CACNA1I: variants seen among roughly 807,000 people sequenced by gnomAD.
CACNA1I encodes the protein calcium voltage-gated channel subunit alpha1 I.
Under a neutral mutation model 201.6 loss-of-function variants are expected in CACNA1I, and 74 were observed. The observed-to-expected ratio is 0.37, with a 90% CI of 0.30 to 0.45. The LOEUF is 0.45. Ranked by LOEUF, CACNA1I falls within the 20% of genes least tolerant of loss-of-function variation. The pLI is 1.00. For missense variants in CACNA1I, 2,346 were observed against 3,138.1 expected (o/e 0.75, Z 6.03); for synonymous variants, 1,431 against 1,345.2 (o/e 1.06, Z -1.40).
chr22:39,655,454 T>C (rs888396001), intron 10 of CACNA1I, among the ~76,000 whole-genome samples: 1 of 152,204 alleles, frequency 6.6e-6, no homozygotes, highest in Admixed American at 6.5e-5. Context: ...GGGTGGTCTT[T>C]GCCACCTCCA....
At position 39,679,841 on chromosome 22, in the gene CACNA1I, C is replaced by T. The variant is rs754581102; in HGVS notation, c.5514C>T (p.Cys1838=). The change falls in exon 33 of 37, where the codon TGC becomes TGT. Residue 1838 remains cysteine (C), a synonymous_variant. Coordinates refer to ENST00000402142, the MANE Select transcript of CACNA1I (RefSeq NM_021096.4). ...ACCACTACTCCTCGCCTGCCGGCTG[C>T]AAGAAGTGTCACCACGACAAGCAAG... ...IFHHYSSPAG[C]KKCHHDKQEV... is the part of the protein sequence containing the mutation. The T allele has an allele frequency of 2.9e-5, 46 of 1,612,684 alleles. 2 individuals are homozygous for T. The Admixed American group carries it at 3.8e-4, about 13-fold the overall frequency.
At chr22:39,644,231 G>A (rs770501154) in intron 7 of CACNA1I, among the ~76,000 whole-genome samples, 2 of 152,194 alleles carry the variant, frequency 1.3e-5, no homozygotes, top group African/African-American at 4.8e-5. Flanking sequence ...GTTCCCGGGA[G>A]GGGCTGGAGG....
chr22:39,621,049 C>T (rs1165042026), intron 4 of CACNA1I, among the ~76,000 whole-genome samples: 3 of 152,196 alleles, frequency 2.0e-5, no homozygotes. Flanking sequence ...TGAGCCACTG[C>T]ACCTGGCTGC....
At chr22:39,640,192 C>G (rs992466511) in intron 5 of CACNA1I, among the ~76,000 whole-genome samples, 4 of 152,110 alleles carry the variant, frequency 2.6e-5, no homozygotes, top group African/African-American at 9.7e-5. Flanking sequence ...AGTTTGAGAA[C>G]AGGCTGACCA....
Position 39,677,976 on chromosome 22 carries a change from C to T in CACNA1I, c.4934-11C>T. On this transcript the variant is annotated splice_polypyrimidine_tract_variant and intron_variant, in intron 30 of 36. Transcript: ENST00000402142. This position sits in a 1 kb window ranked among gnomAD's most constrained non-coding sequence, Gnocchi z 4.8. The stretch of plus-strand genomic sequence containing the variant: ...GCCATCGGGCAGGGCTGACCTCCTC[C>T]CCGCTTCCAGTCTGCAACGACGAGA... 6.3e-7 allele frequency: 1 copy of T among 1,580,008 alleles called. No individual in the cohort carries two copies. Among genetic ancestry groups the T allele is most frequent in the Non-Finnish European group, 8.6e-7 (1 of 1,163,882 alleles).
chr22:39,579,629 T>C (rs953740277), intron 1 of CACNA1I, among the ~76,000 whole-genome samples: 1 of 147,444 alleles, frequency 6.8e-6, no homozygotes, highest in African/African-American at 2.5e-5. Flanking sequence ...GAGGGAGTGG[T>C]GCAAGGCTCT....
rs191890245 is a variant in CACNA1I, at chr22:39,660,254, G to A, written c.2605-90G>A. 768 of 932,328 alleles carry A rather than the reference G, an allele frequency of 8.2e-4. 4 individuals carry two copies. The African/African-American group carries it at 0.012, about 14-fold the overall frequency. 57.8% of individuals were successfully genotyped at this position (932,328 alleles called of 1,614,324 possible). On this transcript the variant is annotated intron_variant, in intron 14 of 36. Transcript: ENST00000402142. Reference sequence around the variant, plus strand: ...TCAGTTTTCCCATTTGCAAAATGGCGGTGGAAACACCCATAGAAAAATTCT... The same window carrying A: ...TCAGTTTTCCCATTTGCAAAATGGCAGTGGAAACACCCATAGAAAAATTCT...
chr22:39,682,564 T>C lies in CACNA1I; in HGVS notation c.5733T>C (p.Ser1911=). The C allele has an allele frequency of 1.2e-6, 2 of 1,613,744 alleles. No homozygotes were observed. Among genetic ancestry groups the C allele is most frequent in the Non-Finnish European group, 1.7e-6 (2 of 1,179,872 alleles). Residue 1911 remains serine (S), a synonymous_variant, in exon 35 of 37, where the codon TCT becomes TCC. Transcript: ENST00000402142. ...GCGAATGCTTCTTCCCCTTGTCCTC[T>C]ACGGCCGTCTCGCCGGATCCAGAGA... ...DLGECFFPLS[S]TAVSPDPENF...
intron 1 of CACNA1I, 135 bp downstream of exon 1, chr22:39,571,123 T>C: frequency 1.3e-6 from 1 of 745,126 alleles, no homozygotes; most frequent in East Asian, 2.6e-5. Flanking sequence ...GCCTTGGTGG[T>C]GGTGAGCGAG....
intron 1 of CACNA1I, among the ~76,000 whole-genome samples, chr22:39,578,590 C>T (rs549104105): frequency 1.4e-4 from 21 of 152,176 alleles, no homozygotes; most frequent in South Asian, 8.3e-4. Flanking sequence ...TGGGCTCCCC[C>T]TCTCCTCCCC....
At chr22:39,682,423 C>T (rs747759131) in intron 34 of CACNA1I, 73 bp from the exon 35 acceptor site, 9 of 1,288,368 alleles carry the variant, frequency 7.0e-6, no homozygotes, top group Non-Finnish European at 9.8e-6. Context: ...GGCCGTGGAG[C>T]AGGTCATGAG....
intron 10 of CACNA1I, among the ~76,000 whole-genome samples, chr22:39,654,407 G>C (rs1454905925): frequency 6.6e-6 from 1 of 152,188 alleles, no homozygotes; most frequent in Non-Finnish European, 1.5e-5. Context: ...AGAGGGTTGG[G>C]GCGCATGGGC....
intron 4 of CACNA1I, among the ~76,000 whole-genome samples, chr22:39,630,118 C>A (rs1466443730): frequency 6.6e-6 from 1 of 152,116 alleles, no homozygotes; most frequent in African/African-American, 2.4e-5. Context: ...TGAGGGCTGT[C>A]CCCCAGACAG....
In CACNA1I at chr22:39,664,734, C is replaced by T; in HGVS notation, c.3667-5C>T. The stretch of plus-strand genomic sequence containing the variant: ...AGCCTGACCCCGGCCCCACCCCCGC[C>T]CCAGGTAGTCTCGCTGGGCCTGTAC... On this transcript the variant is annotated splice_region_variant and splice_polypyrimidine_tract_variant and intron_variant, in intron 20 of 36. Coordinates refer to ENST00000402142, the MANE Select transcript of CACNA1I (RefSeq NM_021096.4). 6.4e-7 allele frequency: 1 copy of T among 1,574,724 alleles called. No homozygotes were observed. The highest frequency in any genetic ancestry group is 8.6e-7 in the Non-Finnish European group (1 of 1,159,498).
At chr22:39,599,656 C>G (rs1429715767) in intron 2 of CACNA1I, among the ~76,000 whole-genome samples, 1 of 149,234 alleles carries the variant, frequency 6.7e-6, no homozygotes, top group African/African-American at 2.5e-5. Flanking sequence ...AAATCCAGAC[C>G]CCTGACCCCA....
At chr22:39,667,305 G>A (rs1381037809) in intron 23 of CACNA1I, among the ~76,000 whole-genome samples, 1 of 152,238 alleles carries the variant, frequency 6.6e-6, no homozygotes, top group Non-Finnish European at 1.5e-5. Context: ...GAAGGGAAGA[G>A]GAAGGGGTCT....
chr22:39,601,550 G>C (rs1468658731), intron 3 of CACNA1I, among the ~76,000 whole-genome samples: 2 of 152,142 alleles, frequency 1.3e-5, no homozygotes, highest in Admixed American at 6.5e-5. Context: ...AGAGAAAAAG[G>C]CTGGAGGCTG....
intron 1 of CACNA1I, among the ~76,000 whole-genome samples, chr22:39,584,116 A>C (rs564607159): frequency 6.6e-6 from 1 of 152,194 alleles, no homozygotes; most frequent in Non-Finnish European, 1.5e-5. Context: ...TGGGGGATGT[A>C]TCAGAGGATA....
chr22:39,655,651 C>A (rs924781683), intron 10 of CACNA1I, among the ~76,000 whole-genome samples: 1 of 152,172 alleles, frequency 6.6e-6, no homozygotes. Context: ...TTGCCCCTCA[C>A]TCCCTTGTCT....
Sources: allele counts gnomAD v4.1 joint callset (sites outside exome capture counted in the v4.1 genomes callset), GRCh38; gene constraint gnomAD v4.1.1; non-coding constraint Gnocchi (gnomAD v3.1); transcripts MANE v1.5; gene names NCBI Gene and HGNC (gene_info 2026-07-23, HGNC 2026-07-21).